ANO4: variants seen among roughly 807,000 people sequenced by gnomAD.
ANO4 encodes the protein anoctamin 4.
A neutral mutation model predicts 141.9 loss-of-function variants in ANO4; 69 were observed. The observed-to-expected ratio is 0.49, with a 90% CI of 0.40 to 0.59. ANO4 has a LOEUF of 0.59. ANO4 is among the 20% of genes least tolerant of loss of function. The probability of loss-of-function intolerance (pLI) is 0.00; values close to 1 mark genes in which losing one functional copy is unlikely to be tolerated. For missense variants in ANO4, 894 were observed against 1,162.2 expected, an observed-to-expected ratio of 0.77 and a Z score of 3.36; for synonymous variants, 350 against 394.3, an observed-to-expected ratio of 0.89 and a Z score of 1.33.
At chr12:100,861,764 A>C (rs1430385571) in intron 1 of ANO4, among the ~76,000 whole-genome samples, 1 of 152,232 alleles carries the variant, frequency 6.6e-6, no homozygotes, top group Non-Finnish European at 1.5e-5. Context: ...TTTCACTTAA[A>C]CACACATTGC....
At chr12:100,960,733 G>A (rs1351242651) in intron 5 of ANO4, among the ~76,000 whole-genome samples, 1 of 152,170 alleles carries the variant, frequency 6.6e-6, no homozygotes, top group Non-Finnish European at 1.5e-5. Context: ...AATCTCTGCA[G>A]CGTACTAAGG....
At chr12:100,845,926 GA>G (rs1224517842) in intron 1 of ANO4, among the ~76,000 whole-genome samples, 8 of 152,184 alleles carry the variant, frequency 5.3e-5, no homozygotes, top group Non-Finnish European at 1.2e-4. Flanking sequence ...TGGAAGGAAA[GA>G]ACCTAGGACC....
chr12:100,811,292 A>C (rs1430230039), intron 1 of ANO4, among the ~76,000 whole-genome samples: 1 of 152,154 alleles, frequency 6.6e-6, no homozygotes, highest in East Asian at 1.9e-4. Context: ...AAGCCGAGAT[A>C]CTTTTTTTCC....
intron 13 of ANO4, among the ~76,000 whole-genome samples, chr12:101,044,439 G>A (rs1754125574): frequency 6.6e-6 from 1 of 152,114 alleles, no homozygotes; most frequent in East Asian, 1.9e-4. Context: ...TTGATACTTA[G>A]GTGGTGGTGT....
intron 2 of ANO4, among the ~76,000 whole-genome samples, chr12:100,917,277 G>A (rs965526254): frequency 6.6e-6 from 1 of 151,894 alleles, no homozygotes; most frequent in African/African-American, 2.4e-5. Flanking sequence ...CCTTAGGATT[G>A]TACTTAATTG....
At chr12:100,753,690 A>G (rs1406523938) in intron 3 of ANO4, among the ~76,000 whole-genome samples, 2 of 152,298 alleles carry the variant, frequency 1.3e-5, no homozygotes, top group East Asian at 3.9e-4. Flanking sequence ...TCTTCCTAGG[A>G]AAAGATTTAT....
chr12:101,096,609 G>A lies in ANO4; in HGVS notation c.1812G>A (p.Leu604=). ...LKMFLFQFVN[L]NSSTFYIAFF... ...TGTTTCTTTTTCAGTTTGTCAATCTGAACAGCTCCACATTTTACATCGCAT... is the reference window on the plus strand; with the variant it reads ...TGTTTCTTTTTCAGTTTGTCAATCTAAACAGCTCCACATTTTACATCGCAT... The change falls in exon 19 of 28, where the codon CTG becomes CTA. Residue 604 remains leucine, a synonymous_variant. Transcript: ENST00000392977. 6.2e-7 allele frequency: 1 copy of A among 1,613,536 alleles called. No individual in the cohort carries two copies. The highest frequency in any genetic ancestry group is 8.5e-7 in the Non-Finnish European group (1 of 1,179,634).
intron 1 of ANO4, among the ~76,000 whole-genome samples, chr12:100,797,359 G>T (rs1052920722): frequency 6.6e-6 from 1 of 151,756 alleles, no homozygotes; most frequent in Admixed American, 6.6e-5. Flanking sequence ...TTTGAATTGG[G>T]AGAGTGCATT....
chr12:101,042,813 C>G (rs944162708), intron 12 of ANO4, among the ~76,000 whole-genome samples: 3 of 152,136 alleles, frequency 2.0e-5, no homozygotes, highest in Non-Finnish European at 4.4e-5. Flanking sequence ...TAACAATTCT[C>G]TCTTATGAAT....
At chr12:101,090,526 C>T (rs1290849647) in intron 17 of ANO4, among the ~76,000 whole-genome samples, 1 of 152,112 alleles carries the variant, frequency 6.6e-6, no homozygotes, top group African/African-American at 2.4e-5. Context: ...CATGTTCTCA[C>T]TCATAGGTGG....
chr12:100,947,399 C>A (rs187152787), intron 5 of ANO4, among the ~76,000 whole-genome samples: 1 of 152,306 alleles, frequency 6.6e-6, no homozygotes, highest in East Asian at 1.9e-4. Context: ...CTAAGGGTGT[C>A]CTGTCCATAC....
rs370292191 is a variant in ANO4, at chr12:100,959,738, T to C, written c.457-11568T>C. Among the ~76,000 whole-genome samples the C allele has an allele frequency of 3.2e-3, 494 of 152,324 alleles. 5 individuals carry two copies. The highest frequency in any genetic ancestry group is 0.01 in the African/African-American group (419 of 41,576). The stretch of plus-strand genomic sequence containing the variant: ...CTTTCCTGGATTGCTTCCTTCTTCA[T>C]TGGCTCTTTCTCAATCCCCTTTGCT... On this transcript the variant is annotated intron_variant, in intron 5 of 27. Coordinates refer to ENST00000392977, the MANE Select transcript of ANO4 (RefSeq NM_001286615.2).
chr12:100,987,803 G>A (rs2044782494), intron 8 of ANO4, 133 bp downstream of exon 8: 5 of 1,258,522 alleles, frequency 4.0e-6, no homozygotes, highest in Non-Finnish European at 5.5e-6. Context: ...AGTCTTGTGA[G>A]TGTTCATATC....
In ANO4 at chr12:101,048,341, G is replaced by T. The variant is rs747304126; in HGVS notation, c.1252G>T (p.Val418Leu). ...RLSDSCVYAK[V>L]THLFDNGATV... ...CAGCACCGATTCTTATTATTCACAG[G>T]TAACCCACCTTTTTGACAATGGAGC... The change falls in exon 14 of 28, where the codon GTA (valine) becomes TTA (leucine). Residue 418 changes from valine to leucine, a missense_variant and splice_region_variant. By Grantham distance (32) the Val-to-Leu change is conservative. Coordinates refer to ENST00000392977, the MANE Select transcript of ANO4 (RefSeq NM_001286615.2). The T allele has an allele frequency of 1.1e-5, 17 of 1,613,616 alleles. No individual in the cohort carries two copies. Among genetic ancestry groups the T allele is most frequent in the Non-Finnish European group, 1.4e-5 (17 of 1,179,672 alleles).
intron 9 of ANO4, among the ~76,000 whole-genome samples, chr12:101,036,262 G>A (rs1409399220): frequency 1.3e-5 from 2 of 152,098 alleles, no homozygotes; most frequent in Admixed American, 6.6e-5. Context: ...ATGTAAATTG[G>A]TTCAGCTGTG....
At chr12:100,782,040 C>T (rs561965785) in intron 3 of ANO4, among the ~76,000 whole-genome samples, 9 of 152,330 alleles carry the variant, frequency 5.9e-5, no homozygotes, top group East Asian at 5.8e-4. Context: ...ACATCAGATT[C>T]AGAACCACAA....
chr12:100,762,779 C>T (rs1008125786), intron 3 of ANO4, among the ~76,000 whole-genome samples: 1 of 152,150 alleles, frequency 6.6e-6, no homozygotes, highest in African/African-American at 2.4e-5. Flanking sequence ...TACTCTGTGC[C>T]ATGCCTCGTC....
rs1050916817 is a variant in ANO4 at position 100,795,522 on chromosome 12, C to T, written c.-141+495C>T. On this transcript the variant is annotated intron_variant, in intron 1 of 27. Transcript: ENST00000392977. ...GGCAGCTGTGTTTTCTGCACCTGCC[C>T]GTGTGGGTCTGGGATGACCCTATAT... Among the ~76,000 whole-genome samples the T allele has an allele frequency of 2.4e-4, 37 of 152,144 alleles. 1 individual carries two copies. Among genetic ancestry groups the T allele is most frequent in the Admixed American group, 2.6e-4 (4 of 15,270 alleles).
intron 24 of ANO4, among the ~76,000 whole-genome samples, chr12:101,113,649 T>C (rs1456549064): frequency 6.6e-6 from 1 of 152,202 alleles, no homozygotes; most frequent in Non-Finnish European, 1.5e-5. Context: ...ATTTTTTTTA[T>C]TTTTCCAATT....
Sources: allele counts gnomAD v4.1 joint callset (sites outside exome capture counted in the v4.1 genomes callset), GRCh38; gene constraint gnomAD v4.1.1; transcripts MANE v1.5; gene names NCBI Gene and HGNC (gene_info 2026-07-23, HGNC 2026-07-21).